Variants in ERG observed in about 807,000 individuals in gnomAD.
The protein encoded by ERG is ETS transcription factor ERG.
ERG carries 9 observed loss-of-function variants against 55.3 expected under a neutral mutation model. That is an observed-to-expected ratio of 0.16 (90% CI 0.10 to 0.28). The LOEUF (loss-of-function observed/expected upper bound fraction) is 0.28. Among genes scored for constraint, ERG ranks in the 10% least tolerant of loss-of-function variants. The pLI is 1.00. For missense variants in ERG, 434 were observed against 631.6 expected (o/e 0.69, Z 3.35); for synonymous variants, 223 against 237.3 (o/e 0.94, Z 0.55).
Position 38,476,018 on chromosome 21 carries a change from CCTA to C in ERG, c.18+22342_18+22344del, listed in dbSNP as rs1394282092. 2.0e-5 allele frequency among the ~76,000 whole-genome samples: 3 copies of C among 152,168 alleles called. 1 individual carries two copies. The East Asian group carries it at 5.8e-4, about 29-fold the overall frequency. ...TTGTTATTAAATTTTTAAAAATCTG[CCTA>C]CTATTTTCAGGCAAATATGTCATGA... On this transcript the variant is annotated intron_variant, in intron 1 of 9. Transcript: ENST00000288319.
At chr21:38,495,248 G>A (rs2059370062) in intron 1 of ERG, among the ~76,000 whole-genome samples, 2 of 152,210 alleles carry the variant, frequency 1.3e-5, no homozygotes, top group South Asian at 2.1e-4. Context: ...ATGTGCAGAC[G>A]TGGCGTATAT....
At chr21:38,459,464 TG>T (rs1353937561) in intron 1 of ERG, among the ~76,000 whole-genome samples, 5 of 152,230 alleles carry the variant, frequency 3.3e-5, no homozygotes, top group Non-Finnish European at 5.9e-5. Flanking sequence ...CAATTTACTT[TG>T]GGGGACGATT....
At chr21:38,612,815 C>T (rs961634826) in intron 1 of ERG, among the ~76,000 whole-genome samples, 13 of 152,124 alleles carry the variant, frequency 8.5e-5, no homozygotes, top group African/African-American at 2.7e-4. Flanking sequence ...AGGCGCCTGC[C>T]ACCATGCCTG....
At chr21:38,643,722 A>C (rs1195800461) in intron 1 of ERG, among the ~76,000 whole-genome samples, 1 of 152,216 alleles carries the variant, frequency 6.6e-6, no homozygotes, top group African/African-American at 2.4e-5. Context: ...CAGGGTTAGC[A>C]GGGCCACTGG....
intron 1 of ERG, among the ~76,000 whole-genome samples, chr21:38,463,713 G>A (rs1464377206): frequency 6.6e-6 from 1 of 152,196 alleles, no homozygotes; most frequent in African/African-American, 2.4e-5. Context: ...TAGAAGTGGG[G>A]CCACCCCTCG....
the ERG span, among the ~76,000 whole-genome samples, chr21:38,372,111 T>C: frequency 6.6e-6 from 1 of 152,042 alleles, no homozygotes. Context: ...TTAATATACT[T>C]TTCAAACAAA....
chr21:38,383,226 G>C lies in ERG; in HGVS notation c.*177C>G. The C allele has an allele frequency of 4.6e-6, 6 of 1,304,458 alleles. No homozygotes were observed. Among genetic ancestry groups the C allele is most frequent in the Non-Finnish European group, 5.8e-6 (6 of 1,028,460 alleles). 80.8% of individuals were successfully genotyped at this position (1,304,458 alleles called of 1,614,324 possible). A position where few individuals can be genotyped will look rare whatever the true frequency, so the allele number is the denominator to read the frequency against. On this transcript the variant is annotated 3_prime_UTR_variant, in exon 10 of 10. Coordinates refer to ENST00000288319, the MANE Select transcript of ERG (RefSeq NM_182918.4). This position sits in a 1 kb window ranked among gnomAD's most constrained non-coding sequence, Gnocchi z 5.7. ...TTTTAGCATCCTCCTCATTTCTGTA[G>C]TAAGACTTCAGTAACTCCCTCCCAA...
chr21:38,501,623 C>T (rs956719092), upstream of ERG, among the ~76,000 whole-genome samples: 1 of 152,126 alleles, frequency 6.6e-6, no homozygotes, highest in Non-Finnish European at 1.5e-5. Flanking sequence ...GGCAATCTGG[C>T]ACACGGCCCC....
At chr21:38,566,387 ATCCTCAACCCC>A (rs1367264102) in intron 2 of ERG, among the ~76,000 whole-genome samples, 1 of 152,204 alleles carries the variant, frequency 6.6e-6, no homozygotes, top group African/African-American at 2.4e-5. Flanking sequence ...GAGGATAATG[ATCCTCAACCCC>A]CAATTGCACA....
At chr21:38,441,970 G>C (rs192168938) in intron 2 of ERG, among the ~76,000 whole-genome samples, 92 of 152,288 alleles carry the variant, frequency 6.0e-4, no homozygotes, top group African/African-American at 2.1e-3. Context: ...GTCTTCACTC[G>C]GTATCCACCC....
In ERG at chr21:38,383,262, A is replaced by T; in HGVS notation, c.*141T>A. 6 of 1,333,862 alleles carry T rather than the reference A, an allele frequency of 4.5e-6. No homozygotes were observed. The highest frequency in any genetic ancestry group is 4.8e-6 in the Non-Finnish European group (5 of 1,041,884). 82.6% of individuals were successfully genotyped at this position (1,333,862 alleles called of 1,614,324 possible). A position where few individuals can be genotyped will look rare whatever the true frequency, so the allele number is the denominator to read the frequency against. ...GTAACTCCCTCCCAAGAGTCTTTGG[A>T]TCTCTTCCCCGGCTTCCTTCCCCAG... On this transcript the variant is annotated 3_prime_UTR_variant, in exon 10 of 10. Coordinates refer to ENST00000288319, the MANE Select transcript of ERG (RefSeq NM_182918.4). The surrounding 1 kb of genome is among the most constrained non-coding windows in gnomAD (Gnocchi z 5.7).
chr21:38,631,142 G>A (rs533675761), intron 1 of ERG, among the ~76,000 whole-genome samples: 13 of 152,160 alleles, frequency 8.5e-5, no homozygotes, highest in East Asian at 3.9e-4. Context: ...TGCTTTTTCC[G>A]GGGAGTTGAC....
chr21:38,473,620 T>G (rs2059160168), intron 1 of ERG, among the ~76,000 whole-genome samples: 1 of 152,164 alleles, frequency 6.6e-6, no homozygotes, highest in African/African-American at 2.4e-5. Context: ...AGATATCCTT[T>G]GTAATCTCAG....
intron 1 of ERG, among the ~76,000 whole-genome samples, chr21:38,602,920 T>A (rs1457322921): frequency 6.6e-6 from 1 of 151,876 alleles, no homozygotes; most frequent in Non-Finnish European, 1.5e-5. Context: ...GCAAACCACA[T>A]TGAAAAAGTT....
intron 2 of ERG, among the ~76,000 whole-genome samples, chr21:38,544,026 T>C (rs1443449094): frequency 6.6e-6 from 1 of 152,134 alleles, no homozygotes; most frequent in Non-Finnish European, 1.5e-5. Context: ...AGCAATGAGC[T>C]GCCAAGCCCG....
intron 1 of ERG, among the ~76,000 whole-genome samples, chr21:38,473,021 T>C (rs1418725448): frequency 6.6e-6 from 1 of 152,182 alleles, no homozygotes; most frequent in Non-Finnish European, 1.5e-5. Flanking sequence ...CAGCAGGCAC[T>C]GCGGGGCAGA....
upstream of ERG, among the ~76,000 whole-genome samples, chr21:38,585,475 A>T (rs993189354): frequency 6.7e-6 from 1 of 148,884 alleles, no homozygotes; most frequent in African/African-American, 2.5e-5. Context: ...GAAAGAAAAA[A>T]ATCTTTCTTA....
At chr21:38,502,234 T>C (rs920780154), upstream of ERG, among the ~76,000 whole-genome samples, 1 of 152,236 alleles carries the variant, frequency 6.6e-6, no homozygotes, top group Non-Finnish European at 1.5e-5. Context: ...AGGAAAATGA[T>C]GTCGTAGATG....
intron 4 of ERG, 74 bp downstream of exon 4, chr21:38,403,432 G>A (rs1988604124): frequency 2.0e-6 from 3 of 1,465,414 alleles, no homozygotes; most frequent in Non-Finnish European, 1.9e-6. Context: ...GACACACCTG[G>A]TTGAACCCTC....
Sources: gnomAD v4.1 joint callset for allele counts (sites outside exome capture counted in the v4.1 genomes callset) on GRCh38, gnomAD v4.1.1 for gene constraint, Gnocchi (gnomAD v3.1) non-coding constraint, MANE v1.5 for transcripts, NCBI Gene and HGNC (gene_info 2026-07-23, HGNC 2026-07-21) for gene names.